MAP9: variants seen among roughly 807,000 people sequenced by gnomAD.
MAP9 encodes the protein microtubule associated protein 9.
A neutral mutation model predicts 75.2 loss-of-function variants in MAP9; 80 were observed. That is an observed-to-expected ratio of 1.06 (90% CI 0.89 to 1.28). MAP9 has a LOEUF of 1.28. Ranked by LOEUF, MAP9 falls within the 50% of genes most tolerant of loss-of-function variation. MAP9 has a pLI of 0.00. For synonymous variants in MAP9, 235 were observed against 237.3 expected (o/e 0.99, Z 0.09); for missense variants, 753 against 719.9 (o/e 1.05, Z -0.53).
chr4:155,345,936 T>C lies in MAP9; in HGVS notation c.*1847A>G, dbSNP rs1443636298. On this transcript the variant is annotated 3_prime_UTR_variant, in exon 14 of 14. Transcript: ENST00000311277. The stretch of plus-strand genomic sequence containing the variant: ...TTGGCAGGCACTGTTTTTGGTACTA[T>C]GGGGGACACAGGAATGAGTAAGAGA... 1 of 152,144 alleles carries C rather than the reference T, an allele frequency of 6.6e-6. No individual in the cohort carries two copies. Among genetic ancestry groups the C allele is most frequent in the African/African-American group, 2.4e-5 (1 of 41,432 alleles). The allele number at this position is 152,144 out of a possible 1,614,324, so 9.4% of individuals were successfully genotyped here.
chr4:155,368,834 G>C, intron 4 of MAP9, 22 bp from the exon 5 acceptor site: 1 of 1,572,516 alleles, frequency 6.4e-7, no homozygotes, highest in Non-Finnish European at 8.7e-7. Flanking sequence ...AATGCTTAAA[G>C]TGTGTGTATA....
chr4:155,357,678 A>G (rs1435707419), intron 7 of MAP9, among the ~76,000 whole-genome samples, 159 bp from the exon 8 acceptor site: 1 of 152,196 alleles, frequency 6.6e-6, no homozygotes, highest in African/African-American at 2.4e-5. Context: ...GCCCTTAAGA[A>G]TATTAAATTC....
At position 155,346,633 on chromosome 4, in the gene MAP9, AGTT is replaced by A. The variant is rs1278783719; in HGVS notation, c.*1147_*1149del. ...GAAGCCGGTAACACCTACCCTGAAA[AGTT>A]GTTGTAAAGATGTTAAATACATTTG... is the stretch of plus-strand genomic sequence containing the variant. On this transcript the variant is annotated 3_prime_UTR_variant, in exon 14 of 14. Coordinates refer to ENST00000311277, the MANE Select transcript of MAP9 (RefSeq NM_001039580.2). 1 of 152,532 alleles carries A rather than the reference AGTT, an allele frequency of 6.6e-6. No individual in the cohort carries two copies. Among genetic ancestry groups the A allele is most frequent in the Non-Finnish European group, 1.5e-5 (1 of 68,028 alleles). The allele number at this position is 152,532 out of a possible 1,614,324, so 9.4% of individuals were successfully genotyped here.
chr4:155,343,902 T>G lies in MAP9; in HGVS notation c.*3881A>C, dbSNP rs961353339. 6.6e-6 allele frequency: 1 copy of G among 151,926 alleles called. No homozygotes were observed. Among genetic ancestry groups the G allele is most frequent in the African/African-American group, 2.4e-5 (1 of 41,434 alleles). 9.4% of individuals were successfully genotyped at this position (151,926 alleles called of 1,614,324 possible). Reference sequence around the variant, plus strand: ...CTTCCAGTTTAACATTTACACAGCATTTTATTATCCTATTAGCCAGTGTAA... The same window carrying G: ...CTTCCAGTTTAACATTTACACAGCAGTTTATTATCCTATTAGCCAGTGTAA... On this transcript the variant is annotated 3_prime_UTR_variant, in exon 14 of 14. Coordinates refer to ENST00000311277, the MANE Select transcript of MAP9 (RefSeq NM_001039580.2).
At chr4:155,370,068 G>C (rs934850672) in intron 4 of MAP9, among the ~76,000 whole-genome samples, 22 of 152,226 alleles carry the variant, frequency 1.4e-4, no homozygotes, top group African/African-American at 5.3e-4. Context: ...ATTATTATAA[G>C]TAGCTGACAA....
At chr4:155,361,664 T>C (rs1194729882) in intron 6 of MAP9, among the ~76,000 whole-genome samples, 1 of 152,078 alleles carries the variant, frequency 6.6e-6, no homozygotes, top group Admixed American at 6.6e-5. Context: ...TGTATTGGAA[T>C]CTAGCTTAGT....
Position 155,368,668 on chromosome 4 carries a change from G to C in MAP9, c.626C>G (p.Ser209Cys), listed in dbSNP as rs753105094. The C allele has an allele frequency of 5.6e-6, 9 of 1,614,210 alleles. No homozygotes were observed. The highest frequency in any genetic ancestry group is 7.6e-6 in the Non-Finnish European group (9 of 1,180,030). The stretch of plus-strand genomic sequence containing the variant: ...CGGCGTTGGAAGGGAAGAAGGTGCA[G>C]AATGTAACTCCAATTCTTCACTGAG... Reference protein sequence around the residue: ...TALSEELELHSAPSSLPTPNG... With the variant: ...TALSEELELHCAPSSLPTPNG... The change falls in exon 5 of 14, where the codon TCT (serine) becomes TGT (cysteine). Residue 209 changes from serine (S) to cysteine (C), a missense_variant. Ser to Cys is a moderately radical substitution (Grantham distance 112). Coordinates refer to ENST00000311277, the MANE Select transcript of MAP9 (RefSeq NM_001039580.2).
chr4:155,355,580 T>A (rs1731740252), intron 9 of MAP9, 136 bp downstream of exon 9: 1 of 605,188 alleles, frequency 1.7e-6, no homozygotes, highest in Admixed American at 3.8e-5. Context: ...TACTCATGTA[T>A]TAAAAGGAAA....
At chr4:155,360,803 G>T (rs759574022) in intron 6 of MAP9, among the ~76,000 whole-genome samples, 1 of 151,992 alleles carries the variant, frequency 6.6e-6, no homozygotes, top group South Asian at 2.1e-4. Flanking sequence ...ATAAGAAGGT[G>T]TCACACCTCT....
rs140620112 is a variant in MAP9 at position 155,364,559 on chromosome 4, T to C, written c.709-2418A>G. On this transcript the variant is annotated intron_variant, in intron 5 of 13. Transcript: ENST00000311277. Reference sequence around the variant, plus strand: ...ATCTATATTTAGCAATAGAATGTTATCTATAATATATACAATATATAATAC... The same window carrying C: ...ATCTATATTTAGCAATAGAATGTTACCTATAATATATACAATATATAATAC... Among the ~76,000 whole-genome samples, 1,286 of 148,112 alleles carry C rather than the reference T, an allele frequency of 8.7e-3. 26 individuals carry two copies. Among genetic ancestry groups the C allele is most frequent in the African/African-American group, 0.03 (1,230 of 40,896 alleles).
chr4:155,367,639 A>G (rs948369000), intron 5 of MAP9: 2 of 152,288 alleles, frequency 1.3e-5, no homozygotes, highest in Non-Finnish European at 2.9e-5. Context: ...ATTAAGAAAC[A>G]GCATGGTGGT....
At chr4:155,349,481 T>C (rs1261449490) in intron 13 of MAP9, 3 of 152,066 alleles carry the variant, frequency 2.0e-5, no homozygotes, top group East Asian at 1.9e-4. Flanking sequence ...TTTTCATCAG[T>C]ATATATATAA....
intron 4 of MAP9, among the ~76,000 whole-genome samples, chr4:155,369,686 A>G (rs72962338): frequency 0.026 from 3,962 of 152,304 alleles, 168 homozygotes; most frequent in African/African-American, 0.087. Flanking sequence ...TTATAAGGAC[A>G]AAGATGATGA....
At chr4:155,364,589 GATATATA>G (rs1036914786) in intron 5 of MAP9, among the ~76,000 whole-genome samples, 4 of 147,934 alleles carry the variant, frequency 2.7e-5, no homozygotes, top group Admixed American at 1.4e-4. Context: ...TAATACAGTA[GATATATA>G]ATATATATTT....
chr4:155,363,577 CA>C (rs1732188661), intron 5 of MAP9, among the ~76,000 whole-genome samples: 2 of 151,772 alleles, frequency 1.3e-5, no homozygotes, highest in African/African-American at 4.8e-5. Flanking sequence ...TATTAAAAAA[CA>C]GAAAAAATAC....
intron 4 of MAP9, 195 bp downstream of exon 4, chr4:155,372,937 GGTCT>G (rs1732666276): frequency 2.3e-6 from 1 of 426,644 alleles, no homozygotes; most frequent in East Asian, 4.1e-5. Context: ...AAATACAACA[GGTCT>G]GTAAAATTGA....
chr4:155,367,557 A>G (rs981573177), intron 5 of MAP9: 1 of 152,240 alleles, frequency 6.6e-6, no homozygotes, highest in African/African-American at 2.4e-5. Context: ...CTAGCACAAT[A>G]TTCAATGGAT....
intron 4 of MAP9, among the ~76,000 whole-genome samples, chr4:155,370,064 A>C (rs961103538): frequency 6.6e-6 from 1 of 152,204 alleles, no homozygotes; most frequent in African/African-American, 2.4e-5. Flanking sequence ...TGGTATTATT[A>C]TAAGTAGCTG....
At chr4:155,359,412 T>C (rs1415033019) in intron 7 of MAP9, among the ~76,000 whole-genome samples, 1 of 151,946 alleles carries the variant, frequency 6.6e-6, no homozygotes, top group African/African-American at 2.4e-5. Context: ...ATATAGGGTA[T>C]GGAATAATAG....
Sources: gnomAD v4.1 joint callset for allele counts (sites outside exome capture counted in the v4.1 genomes callset) on GRCh38, gnomAD v4.1.1 for gene constraint, MANE v1.5 for transcripts, NCBI Gene and HGNC (gene_info 2026-07-23, HGNC 2026-07-21) for gene names.